The following DCDC2 variants were observed in gnomAD, a reference collection of about 807,000 sequenced individuals.
DCDC2 encodes the protein doublecortin domain containing 2, also known as doublecortin domain-containing protein 2.
In DCDC2, 40 loss-of-function variants were observed where a neutral mutation model predicts 50.2. The observed-to-expected ratio is 0.80, with a 90% CI of 0.62 to 1.04. The LOEUF (loss-of-function observed/expected upper bound fraction) is 1.04. Among genes scored for constraint, DCDC2 ranks in the 50% least tolerant of loss-of-function variants. The pLI is 0.00. For synonymous variants in DCDC2, 234 were observed against 210.6 expected (o/e 1.11, Z -0.96); for missense variants, 570 against 581.9 (o/e 0.98, Z 0.21).
chr6:24,320,725 G>A (rs976945160), intron 2 of DCDC2, among the ~76,000 whole-genome samples: 3 of 152,088 alleles, frequency 2.0e-5, no homozygotes, highest in Admixed American at 1.3e-4. Flanking sequence ...TGTATGTATA[G>A]TTATATATGT....
chr6:24,208,769 C>T (rs1364777199), intron 7 of DCDC2, among the ~76,000 whole-genome samples: 1 of 152,192 alleles, frequency 6.6e-6, no homozygotes, highest in African/African-American at 2.4e-5. Flanking sequence ...CCTGCTAGAC[C>T]ACAAGCTCCT....
intron 1 of DCDC2, among the ~76,000 whole-genome samples, chr6:24,355,717 C>T (rs1358525322): frequency 6.6e-6 from 1 of 152,098 alleles, no homozygotes; most frequent in Non-Finnish European, 1.5e-5. Flanking sequence ...GCTTAAGAAG[C>T]TTCAGGGGAG....
intron 8 of DCDC2, among the ~76,000 whole-genome samples, chr6:24,179,872 T>C (rs534643209): frequency 2.2e-5 from 3 of 137,760 alleles, no homozygotes; most frequent in African/African-American, 5.3e-5. Context: ...GAGAATTGCA[T>C]GAACCCGGGA....
At chr6:24,276,911 C>T (rs570850001) in intron 7 of DCDC2, among the ~76,000 whole-genome samples, 131 of 152,054 alleles carry the variant, frequency 8.6e-4, no homozygotes, top group African/African-American at 2.6e-3. Flanking sequence ...AGAGCTGGGA[C>T]GAGAATCTAG....
At chr6:24,301,623 A>G in intron 4 of DCDC2, 92 bp downstream of exon 4, 4 of 1,507,448 alleles carry the variant, frequency 2.7e-6, no homozygotes, top group South Asian at 1.3e-5. Context: ...GGGAGCCAAA[A>G]TTCAAATCCA....
intron 8 of DCDC2, among the ~76,000 whole-genome samples, chr6:24,188,482 A>G (rs1288967529): frequency 6.6e-6 from 1 of 152,224 alleles, no homozygotes; most frequent in Non-Finnish European, 1.5e-5. Flanking sequence ...CCACTGTTTA[A>G]GAGTCAATGT....
intron 7 of DCDC2, among the ~76,000 whole-genome samples, chr6:24,218,387 GTTCTT>G (rs1182356512): frequency 6.6e-6 from 1 of 152,162 alleles, no homozygotes; most frequent in African/African-American, 2.4e-5. Flanking sequence ...CAGATTCTGT[GTTCTT>G]TTCATGTCAT....
chr6:24,221,355 CTG>C (rs1762114756), intron 7 of DCDC2, among the ~76,000 whole-genome samples: 1 of 152,214 alleles, frequency 6.6e-6, no homozygotes, highest in South Asian at 2.1e-4. Context: ...CTCCTCTTCT[CTG>C]TCCCCAGAGC....
At chr6:24,229,448 A>G (rs1466725418) in intron 7 of DCDC2, among the ~76,000 whole-genome samples, 2 of 152,144 alleles carry the variant, frequency 1.3e-5, no homozygotes, top group Non-Finnish European at 2.9e-5. Context: ...CCCTATTCCA[A>G]GGTCAGCTGA....
Position 24,287,691 on chromosome 6 carries a change from C to G in DCDC2, c.759+1161G>C, listed in dbSNP as rs187436717. Among the ~76,000 whole-genome samples the G allele has an allele frequency of 1.1e-4, 16 of 152,348 alleles. No individual in the cohort carries two copies. In the East Asian group the frequency reaches 2.7e-3, roughly 26 times the overall value. On this transcript the variant is annotated intron_variant, in intron 6 of 9. Transcript: ENST00000378454. The stretch of plus-strand genomic sequence containing the variant: ...CCCTTGGATCTGAAGGTCCTCTCCC[C>G]TCATCTACCTTTTTCTGAATTTTAA...
the DCDC2 span, among the ~76,000 whole-genome samples, chr6:24,370,782 ATATGT>A: frequency 1.1e-4 from 17 of 152,362 alleles, no homozygotes; most frequent in Admixed American, 3.9e-4. Flanking sequence ...ACATGTTGAC[ATATGT>A]TATACATGAA....
At chr6:24,365,010 G>C in the DCDC2 span, among the ~76,000 whole-genome samples, 1 of 152,184 alleles carries the variant, frequency 6.6e-6, no homozygotes, top group Non-Finnish European at 1.5e-5. Flanking sequence ...AGGGCCTTGA[G>C]ACTGTTTCTT....
intron 2 of DCDC2, among the ~76,000 whole-genome samples, chr6:24,341,928 G>A (rs1051380904): frequency 4.7e-4 from 63 of 132,664 alleles, no homozygotes; most frequent in African/African-American, 1.8e-4. Context: ...GTAAGAGGGC[G>A]CACGCATGTG....
chr6:24,336,088 C>G (rs1760053243), intron 2 of DCDC2, among the ~76,000 whole-genome samples: 1 of 152,084 alleles, frequency 6.6e-6, no homozygotes, highest in Admixed American at 6.5e-5. Context: ...TATCCACTGT[C>G]AAAAGTTGGG....
chr6:24,257,954 G>A (rs1033383461), intron 7 of DCDC2, among the ~76,000 whole-genome samples: 11 of 152,064 alleles, frequency 7.2e-5, no homozygotes, highest in African/African-American at 2.7e-4. Flanking sequence ...TGAAGAATGA[G>A]GCATGGAAAA....
intron 9 of DCDC2, among the ~76,000 whole-genome samples, chr6:24,177,335 G>T (rs559164917): frequency 1.3e-5 from 2 of 152,314 alleles, no homozygotes; most frequent in South Asian, 4.1e-4. Flanking sequence ...ACTTCGTACT[G>T]TTACTGAAAC....
At chr6:24,294,598 G>A (rs908608675) in intron 4 of DCDC2, among the ~76,000 whole-genome samples, 1 of 152,010 alleles carries the variant, frequency 6.6e-6, no homozygotes, top group African/African-American at 2.4e-5. Flanking sequence ...GGAGAAAAGA[G>A]AGAAGATCCA....
At chr6:24,204,157 AAACC>A in intron 8 of DCDC2, among the ~76,000 whole-genome samples, 1 of 152,328 alleles carries the variant, frequency 6.6e-6, no homozygotes, top group Non-Finnish European at 1.5e-5. Flanking sequence ...GAAGGATAGT[AAACC>A]AATCTACTAT....
intron 7 of DCDC2, among the ~76,000 whole-genome samples, chr6:24,276,752 C>G (rs897922300): frequency 6.6e-6 from 1 of 152,090 alleles, no homozygotes; most frequent in Non-Finnish European, 1.5e-5. Context: ...ACCCTAGCCT[C>G]CTTGTTTGCT....
Sources: gnomAD v4.1 joint callset for allele counts (sites outside exome capture counted in the v4.1 genomes callset) on GRCh38, gnomAD v4.1.1 for gene constraint, MANE v1.5 for transcripts, NCBI Gene and HGNC (gene_info 2026-07-23, HGNC 2026-07-21) for gene names.